Variants in NDFIP1 observed in about 807,000 individuals in gnomAD.
The protein encoded by NDFIP1 is Nedd4 family interacting protein 1, also known as NEDD4 family-interacting protein 1.
Under a neutral mutation model 28.8 loss-of-function variants are expected in NDFIP1, and 7 were observed. The observed-to-expected ratio is 0.24, with a 90% CI of 0.14 to 0.46. The LOEUF is 0.46. Ranked by LOEUF, NDFIP1 falls within the 20% of genes least tolerant of loss-of-function variation. The pLI, the probability that NDFIP1 is intolerant of heterozygous loss-of-function variation, is 0.99. For missense variants in NDFIP1, 194 were observed against 269.1 expected (o/e 0.72, Z 1.95); for synonymous variants, 92 against 101.0 (o/e 0.91, Z 0.53).
intron 1 of NDFIP1, among the ~76,000 whole-genome samples, chr5:142,129,398 C>T (rs1327221414): frequency 6.6e-6 from 1 of 152,096 alleles, no homozygotes; most frequent in Non-Finnish European, 1.5e-5. Flanking sequence ...GGCCACATGT[C>T]TTTGTTTAAA....
At chr5:142,131,601 C>T (rs982474001) in intron 1 of NDFIP1, among the ~76,000 whole-genome samples, 2 of 152,146 alleles carry the variant, frequency 1.3e-5, no homozygotes, top group African/African-American at 4.8e-5. Flanking sequence ...TGACACAACA[C>T]TTATATGTAC....
rs1397848917 is a variant in NDFIP1, at chr5:142,140,557, T to C, written c.496-6T>C. On this transcript the variant is annotated splice_polypyrimidine_tract_variant and splice_region_variant and intron_variant, in intron 5 of 7. Coordinates refer to ENST00000253814, the MANE Select transcript of NDFIP1 (RefSeq NM_030571.4). The stretch of plus-strand genomic sequence containing the variant: ...CTGCTATAAAGTGTTTTGCCTTATT[T>C]TTTAGTTTTCCACCTATTTCCCTGG... 1 of 1,608,792 alleles carries C rather than the reference T, an allele frequency of 6.2e-7. No homozygotes were observed. The highest frequency in any genetic ancestry group is 8.5e-7 in the Non-Finnish European group (1 of 1,177,730).
intron 2 of NDFIP1, 123 bp from the exon 3 acceptor site, chr5:142,132,089 G>A: frequency 8.4e-7 from 1 of 1,193,452 alleles, no homozygotes; most frequent in East Asian, 2.5e-5. Flanking sequence ...AATGTCTTTT[G>A]GTTCAATTGT....
intron 1 of NDFIP1, among the ~76,000 whole-genome samples, chr5:142,114,335 C>T (rs1293565912): frequency 9.9e-5 from 15 of 152,088 alleles, no homozygotes; most frequent in Admixed American, 7.9e-4. Context: ...AGCATCTTTT[C>T]ATGTGCTTAT....
intron 6 of NDFIP1, among the ~76,000 whole-genome samples, chr5:142,140,859 A>G (rs534019292): frequency 2.6e-5 from 4 of 152,306 alleles, no homozygotes; most frequent in South Asian, 2.1e-4. Context: ...TAACCTATAC[A>G]TATATTCTTC....
intron 1 of NDFIP1, among the ~76,000 whole-genome samples, chr5:142,114,769 A>T (rs1024417360): frequency 1.3e-5 from 2 of 152,204 alleles, no homozygotes; most frequent in Middle Eastern, 3.2e-3. Context: ...TGGATCCATA[A>T]CTAACTGTCC....
At position 142,109,034 on chromosome 5, in the gene NDFIP1, G is replaced by A. The variant is rs566265381; in HGVS notation, c.60G>A (p.Gln20=). Reference sequence around the variant, plus strand: ...AGCCGGCCTGCGGCAGCCGGTACCAGCAGGTAAGCGGCGCCCGACTCCAGC... The same window carrying A: ...AGCCGGCCTGCGGCAGCCGGTACCAACAGGTAAGCGGCGCCCGACTCCAGC... ...AVEPACGSRY[Q]QLQNEEESGE... The change falls in exon 1 of 8, where the codon CAG becomes CAA. Residue 20 remains glutamine (Q), a synonymous_variant. Coordinates refer to ENST00000253814, the MANE Select transcript of NDFIP1 (RefSeq NM_030571.4). The A allele has an allele frequency of 9.1e-4, 1,300 of 1,429,144 alleles. 12 individuals carry two copies. The African/African-American group carries it at 0.017, about 19-fold the overall frequency. The allele number at this position is 1,429,144 out of a possible 1,614,324, so 88.5% of individuals were successfully genotyped here.
intron 1 of NDFIP1, among the ~76,000 whole-genome samples, chr5:142,115,496 G>A (rs1757055888): frequency 6.6e-6 from 1 of 152,076 alleles, no homozygotes; most frequent in Admixed American, 6.6e-5. Flanking sequence ...TGTTGGCCAG[G>A]CTGGTCTTGA....
chr5:142,128,576 G>T (rs1757195240), intron 1 of NDFIP1, among the ~76,000 whole-genome samples: 1 of 152,078 alleles, frequency 6.6e-6, no homozygotes, highest in Admixed American at 6.6e-5. Flanking sequence ...GAAGGTGATT[G>T]CCTCTCCCCG....
intron 1 of NDFIP1, among the ~76,000 whole-genome samples, chr5:142,121,800 G>A (rs35179553): frequency 0.013 from 1,942 of 152,272 alleles, 42 homozygotes; most frequent in African/African-American, 0.043. Flanking sequence ...TCATAGATGC[G>A]AACTGGTAAG....
intron 6 of NDFIP1, chr5:142,142,949 AT>A (rs1256247959): frequency 1.7e-5 from 2 of 120,152 alleles, no homozygotes; most frequent in Non-Finnish European, 3.6e-5. Context: ...AAATATATAT[AT>A]ATATATATAT....
At chr5:142,136,474 G>C (rs984922845) in intron 4 of NDFIP1, among the ~76,000 whole-genome samples, 1 of 152,146 alleles carries the variant, frequency 6.6e-6, no homozygotes, top group Non-Finnish European at 1.5e-5. Flanking sequence ...CAGAGGTCAG[G>C]CTGGGCATGG....
intron 7 of NDFIP1, among the ~76,000 whole-genome samples, chr5:142,150,616 C>T (rs1407618348): frequency 6.6e-6 from 1 of 151,554 alleles, no homozygotes; most frequent in Non-Finnish European, 1.5e-5. Flanking sequence ...GTGCCAGTCA[C>T]TTGCGGGGCT....
intron 6 of NDFIP1, 76 bp from the exon 7 acceptor site, chr5:142,144,495 C>T: frequency 9.7e-7 from 1 of 1,029,246 alleles, no homozygotes; most frequent in Non-Finnish European, 1.5e-6. Context: ...GTATCGCTAT[C>T]AGGAGAGGGA....
intron 1 of NDFIP1, among the ~76,000 whole-genome samples, chr5:142,128,891 TG>T (rs1757197907): frequency 6.6e-6 from 1 of 152,124 alleles, no homozygotes; most frequent in South Asian, 2.1e-4. Context: ...TTTACTATGG[TG>T]GGGGATGATC....
chr5:142,118,812 C>A (rs1288517868), intron 1 of NDFIP1, among the ~76,000 whole-genome samples: 1 of 152,156 alleles, frequency 6.6e-6, no homozygotes, highest in East Asian at 1.9e-4. Flanking sequence ...TTCCAATTAT[C>A]CAATAACTGC....
chr5:142,130,306 C>A (rs1270322150), intron 1 of NDFIP1, among the ~76,000 whole-genome samples: 2 of 151,898 alleles, frequency 1.3e-5, no homozygotes, highest in African/African-American at 4.8e-5. Flanking sequence ...ACTTTCAGTG[C>A]GAGTTATTTT....
In NDFIP1 at chr5:142,152,671, A is replaced by G. The variant is rs1757459786; in HGVS notation, c.*943A>G. 6.4e-6 allele frequency: 1 copy of G among 155,988 alleles called. No homozygotes were observed. The highest frequency in any genetic ancestry group is 2.4e-5 in the African/African-American group (1 of 41,482). 9.7% of individuals were successfully genotyped at this position (155,988 alleles called of 1,614,324 possible). The stretch of plus-strand genomic sequence containing the variant: ...ATGTGTTAGCAGAAACCAGTGGGTT[A>G]TAATGTAGAATGATGTGCTTTCTGC... On this transcript the variant is annotated 3_prime_UTR_variant, in exon 8 of 8. Transcript: ENST00000253814.
intron 7 of NDFIP1, among the ~76,000 whole-genome samples, chr5:142,146,347 A>G (rs1389397933): frequency 6.6e-6 from 1 of 152,228 alleles, no homozygotes; most frequent in Non-Finnish European, 1.5e-5. Context: ...AATGCCTACA[A>G]TGTGTCTTTG....
Sources: gnomAD v4.1 joint callset for allele counts (sites outside exome capture counted in the v4.1 genomes callset) on GRCh38, gnomAD v4.1.1 for gene constraint, MANE v1.5 for transcripts, NCBI Gene and HGNC (gene_info 2026-07-23, HGNC 2026-07-21) for gene names.